Variants in DPP10 observed in about 807,000 individuals in gnomAD.
DPP10 encodes inactive dipeptidyl peptidase 10.
Under a neutral mutation model 120.9 loss-of-function variants are expected in DPP10, and 33 were observed. That is an observed-to-expected ratio of 0.27 (90% confidence interval 0.21 to 0.37). DPP10 has a LOEUF of 0.37. Ranked by LOEUF, DPP10 falls within the 10% of genes least tolerant of loss-of-function variation. The pLI, the probability that DPP10 is intolerant of heterozygous loss-of-function variation, is 1.00. For synonymous variants in DPP10, 337 were observed against 326.1 expected (o/e 1.03, Z -0.36); for missense variants, 816 against 942.8 (o/e 0.87, Z 1.76).
chr2:115,004,302 G>C (rs1701652684), intron 1 of DPP10, among the ~76,000 whole-genome samples: 1 of 152,160 alleles, frequency 6.6e-6, no homozygotes, highest in African/African-American at 2.4e-5. Flanking sequence ...TTTCAAAATA[G>C]CTAGAAGAAA....
chr2:114,632,245 G>C (rs1694977907), intron 1 of DPP10, among the ~76,000 whole-genome samples: 1 of 151,984 alleles, frequency 6.6e-6, no homozygotes, highest in South Asian at 2.1e-4. Context: ...TTTTTCCTTT[G>C]TAGTTCATAA....
intron 3 of DPP10, among the ~76,000 whole-genome samples, chr2:115,435,711 C>G (rs912584792): frequency 1.3e-5 from 2 of 151,516 alleles, no homozygotes; most frequent in Non-Finnish European, 3.0e-5. Flanking sequence ...TGATTTAATC[C>G]CATTTGTCTA....
chr2:115,698,999 G>T (rs900285049), intron 7 of DPP10, among the ~76,000 whole-genome samples: 2 of 112,220 alleles, frequency 1.8e-5, no homozygotes, highest in East Asian at 2.7e-4. Context: ...AACTAAATTG[G>T]CAAACCTTTA....
At chr2:115,291,324 C>T (rs2060645455) in intron 1 of DPP10, among the ~76,000 whole-genome samples, 2 of 151,994 alleles carry the variant, frequency 1.3e-5, no homozygotes. Flanking sequence ...TCTAACATAC[C>T]ACTTCTTCCC....
chr2:114,918,899 A>G (rs904998075), intron 1 of DPP10, among the ~76,000 whole-genome samples: 1 of 152,076 alleles, frequency 6.6e-6, no homozygotes, highest in African/African-American at 2.4e-5. Context: ...TTACTGACAC[A>G]CAACTTACCT....
chr2:115,697,281 T>G (rs1161528308), intron 7 of DPP10, among the ~76,000 whole-genome samples: 1 of 151,892 alleles, frequency 6.6e-6, no homozygotes, highest in Non-Finnish European at 1.5e-5. Context: ...TAAAAGAAAC[T>G]AAGAAGATAA....
At chr2:115,584,094 C>T (rs1036771601) in intron 5 of DPP10, among the ~76,000 whole-genome samples, 1 of 152,228 alleles carries the variant, frequency 6.6e-6, no homozygotes, top group African/African-American at 2.4e-5. Context: ...GACCATGTTT[C>T]CCAAACTGCT....
chr2:114,742,885 G>A (rs1410833198), intron 1 of DPP10, among the ~76,000 whole-genome samples: 1 of 152,192 alleles, frequency 6.6e-6, no homozygotes, highest in Non-Finnish European at 1.5e-5. Flanking sequence ...GCAGGCAAAC[G>A]AGGCATTTTT....
intron 1 of DPP10, among the ~76,000 whole-genome samples, chr2:114,696,296 C>T (rs1391549931): frequency 6.6e-6 from 1 of 151,994 alleles, no homozygotes; most frequent in Admixed American, 6.6e-5. Context: ...TAAATTAATA[C>T]CTGCCTCTAA....
intron 1 of DPP10, among the ~76,000 whole-genome samples, chr2:114,848,023 T>C (rs1688676009): frequency 6.6e-6 from 1 of 152,126 alleles, no homozygotes; most frequent in Non-Finnish European, 1.5e-5. Flanking sequence ...AAAGTATCAG[T>C]TTTATATGTC....
intron 5 of DPP10, among the ~76,000 whole-genome samples, chr2:115,672,906 C>T (rs1575492095): frequency 6.6e-6 from 1 of 151,722 alleles, no homozygotes; most frequent in Non-Finnish European, 1.5e-5. Flanking sequence ...GCCACCACAC[C>T]TGGCTAAGTT....
At chr2:115,407,241 C>G (rs1334278590) in intron 3 of DPP10, among the ~76,000 whole-genome samples, 1 of 152,220 alleles carries the variant, frequency 6.6e-6, no homozygotes, top group Non-Finnish European at 1.5e-5. Flanking sequence ...CTGGGACAGG[C>G]AGCCTGGTTT....
intron 1 of DPP10, among the ~76,000 whole-genome samples, chr2:114,773,344 A>T (rs1681438513): frequency 2.1e-5 from 1 of 48,486 alleles, no homozygotes; most frequent in Non-Finnish European, 5.2e-5. Context: ...TTTAGTTTAT[A>T]CAAATTATAA....
chr2:114,963,644 A>C (rs1306104575), intron 1 of DPP10, among the ~76,000 whole-genome samples: 1 of 152,160 alleles, frequency 6.6e-6, no homozygotes, highest in Non-Finnish European at 1.5e-5. Context: ...AAAGAGATTC[A>C]CAGAAAATAC....
At chr2:114,663,471 C>T (rs890253332) in intron 1 of DPP10, among the ~76,000 whole-genome samples, 1 of 149,992 alleles carries the variant, frequency 6.7e-6, no homozygotes, top group South Asian at 2.1e-4. Flanking sequence ...AATTATTTTC[C>T]AGTGATTTAT....
At chr2:114,718,232 A>G (rs1377589705) in intron 1 of DPP10, among the ~76,000 whole-genome samples, 1 of 151,886 alleles carries the variant, frequency 6.6e-6, no homozygotes, top group South Asian at 2.1e-4. Context: ...ATAGCCTTCA[A>G]TATGATAGCA....
At chr2:115,249,760 C>T (rs1403829820) in intron 1 of DPP10, among the ~76,000 whole-genome samples, 1 of 152,028 alleles carries the variant, frequency 6.6e-6, no homozygotes, top group Non-Finnish European at 1.5e-5. Flanking sequence ...CAAAATGATG[C>T]CTACTGTTAA....
intron 1 of DPP10, among the ~76,000 whole-genome samples, chr2:114,515,352 A>C (rs1224866880): frequency 2.0e-5 from 3 of 152,226 alleles, no homozygotes; most frequent in Non-Finnish European, 4.4e-5. Context: ...GCTCGTTGGC[A>C]ACAGACATCT....
intron 1 of DPP10, among the ~76,000 whole-genome samples, chr2:115,130,096 CT>C (rs1212522004): frequency 6.6e-6 from 1 of 152,192 alleles, no homozygotes; most frequent in Non-Finnish European, 1.5e-5. Context: ...ATCCATATAT[CT>C]CTACTATCAC....
Sources: gnomAD v4.1 joint callset for allele counts (sites outside exome capture counted in the v4.1 genomes callset) on GRCh38, gnomAD v4.1.1 for gene constraint, MANE v1.5 for transcripts, NCBI Gene and HGNC (gene_info 2026-07-23, HGNC 2026-07-21) for gene names.